The following CPNE5 variants were observed in gnomAD, a reference collection of about 807,000 sequenced individuals.
CPNE5 encodes copine-5.
Under a neutral mutation model 81.1 loss-of-function variants are expected in CPNE5, and 42 were observed. The observed-to-expected ratio is 0.52, with a 90% CI of 0.40 to 0.67. The LOEUF (loss-of-function observed/expected upper bound fraction) is 0.67. Among genes scored for constraint, CPNE5 ranks in the 30% least tolerant of loss-of-function variants. The probability of loss-of-function intolerance (pLI) is 0.00; values close to 1 mark genes in which losing one functional copy is unlikely to be tolerated. For missense variants in CPNE5, 612 were observed against 815.5 expected (o/e 0.75, Z 3.04); for synonymous variants, 313 against 321.5 (o/e 0.97, Z 0.28).
intron 1 of CPNE5, among the ~76,000 whole-genome samples, chr6:36,826,572 C>A (rs990480885): frequency 2.0e-5 from 3 of 152,178 alleles, no homozygotes; most frequent in Non-Finnish European, 2.9e-5. Context: ...CGATCGGTTG[C>A]AAAATCATGG....
chr6:36,813,096 A>C (rs1771240835), intron 3 of CPNE5, among the ~76,000 whole-genome samples: 1 of 152,226 alleles, frequency 6.6e-6, no homozygotes, highest in Non-Finnish European at 1.5e-5. Flanking sequence ...GTTCATGCCC[A>C]CCACAGTCTT....
intron 13 of CPNE5, 112 bp from the exon 14 acceptor site, chr6:36,753,207 AT>A: frequency 1.5e-5 from 12 of 801,130 alleles, no homozygotes; most frequent in Non-Finnish European, 2.6e-5. Context: ...TTTTGCATGC[AT>A]GACTGCATGC....
At position 36,756,037 on chromosome 6, in the gene CPNE5, CA is replaced by C. The variant is rs1765417236; in HGVS notation, c.909+207del. On this transcript the variant is annotated intron_variant, in intron 13 of 20. Coordinates refer to ENST00000244751, the MANE Select transcript of CPNE5 (RefSeq NM_020939.2). ...TGCGATTCCTCATGCTAGATACAGCCAGCGCCTGTTGTGTGGTCTGCAAGTC... is the reference window on the plus strand; with the variant it reads ...TGCGATTCCTCATGCTAGATACAGCCGCGCCTGTTGTGTGGTCTGCAAGTC... 3 of 571,374 alleles carry C rather than the reference CA, an allele frequency of 5.3e-6. No homozygotes were observed. In the South Asian group the frequency reaches 6.4e-5, roughly 12 times the overall value. 35.4% of individuals were successfully genotyped at this position (571,374 alleles called of 1,614,324 possible).
chr6:36,742,152 C>G lies in CPNE5; in HGVS notation c.*116G>C. 1.3e-6 allele frequency: 1 copy of G among 758,476 alleles called. No homozygotes were observed. The highest frequency in any genetic ancestry group is 2.1e-6 in the Non-Finnish European group (1 of 485,024). The allele number at this position is 758,476 out of a possible 1,614,324, so 47.0% of individuals were successfully genotyped here. A position where few individuals can be genotyped will look rare whatever the true frequency, so the allele number is the denominator to read the frequency against. On this transcript the variant is annotated 3_prime_UTR_variant, in exon 21 of 21. Coordinates refer to ENST00000244751, the MANE Select transcript of CPNE5 (RefSeq NM_020939.2). ...AGAAGCCCCACCCCCTGGCAGCCTC[C>G]CAGGCACACAGATGTCCCAAAGGCC... is the stretch of plus-strand genomic sequence containing the variant.
chr6:36,827,593 A>T (rs1310887673), intron 1 of CPNE5: 3 of 985,270 alleles, frequency 3.0e-6, no homozygotes, highest in Non-Finnish European at 3.6e-6. Context: ...AAAGGCACAG[A>T]CCACAACACA....
intron 13 of CPNE5, 133 bp from the exon 14 acceptor site, chr6:36,753,228 A>C: frequency 1.5e-6 from 1 of 658,982 alleles, no homozygotes; most frequent in Non-Finnish European, 2.8e-6. Context: ...CACTGCCCAC[A>C]CCACCCCATG....
intron 8 of CPNE5, among the ~76,000 whole-genome samples, chr6:36,791,215 G>T (rs1330736857): frequency 6.6e-6 from 1 of 152,158 alleles, no homozygotes; most frequent in African/African-American, 2.4e-5. Flanking sequence ...GCTGAGCCCG[G>T]ATCTTAGAAT....
chr6:36,788,561 C>A (rs1039771252), intron 8 of CPNE5, among the ~76,000 whole-genome samples: 1 of 146,566 alleles, frequency 6.8e-6, no homozygotes, highest in East Asian at 2.2e-4. Context: ...CCCAGCCCCC[C>A]AGCCTTGCAG....
chr6:36,798,098 T>C, intron 6 of CPNE5, 67 bp downstream of exon 6: 6 of 1,296,486 alleles, frequency 4.6e-6, no homozygotes, highest in Non-Finnish European at 5.5e-6. Flanking sequence ...GTCCCCATCC[T>C]GAGCCAGCCC....
chr6:36,756,112 C>CCAAA, intron 13 of CPNE5, 133 bp downstream of exon 13: 2 of 523,830 alleles, frequency 3.8e-6, no homozygotes, highest in Non-Finnish European at 6.9e-6. Context: ...CTCCCCACCC[C>CCAAA]ATCTCTCTTG....
At chr6:36,749,661 T>TA (rs71540165) in intron 14 of CPNE5, among the ~76,000 whole-genome samples, 11,832 of 139,388 alleles carry the variant, frequency 0.085, 583 homozygotes, top group East Asian at 0.2. Flanking sequence ...ACCTCAAAAA[T>TA]AAAAAAAAAA....
At position 36,745,198 on chromosome 6, in the gene CPNE5, C is replaced by T; in HGVS notation, c.1329-48G>A. The T allele has an allele frequency of 3.3e-6, 5 of 1,516,612 alleles. No individual in the cohort carries two copies. In the East Asian group the frequency reaches 9.1e-5, roughly 27 times the overall value. The allele number at this position is 1,516,612 out of a possible 1,614,324, so 93.9% of individuals were successfully genotyped here. On this transcript the variant is annotated intron_variant, in intron 17 of 20. Transcript: ENST00000244751. Reference sequence around the variant, plus strand: ...CAGGTCTGTCTGCGGGACCTCTGGGCATGTTCCCCCCTAAACAAGGACCCT... The same window carrying T: ...CAGGTCTGTCTGCGGGACCTCTGGGTATGTTCCCCCCTAAACAAGGACCCT...
intron 12 of CPNE5, chr6:36,757,147 C>G (rs1288174831): frequency 5.3e-6 from 1 of 190,316 alleles, no homozygotes; most frequent in Non-Finnish European, 9.7e-6. Context: ...TGAGGCCCCC[C>G]ACGAGACTTC....
chr6:36,808,535 C>T (rs1770806644), intron 3 of CPNE5, among the ~76,000 whole-genome samples: 1 of 152,098 alleles, frequency 6.6e-6, no homozygotes, highest in African/African-American at 2.4e-5. Flanking sequence ...AACATTGGGG[C>T]CCAGGGCCAG....
intron 1 of CPNE5, among the ~76,000 whole-genome samples, chr6:36,831,638 C>CA (rs35409136): frequency 0.42 from 35,083 of 83,716 alleles, 8,137 homozygotes; most frequent in African/African-American, 0.46. Context: ...GACACCATCT[C>CA]AAAAAAAAAA....
chr6:36,763,086 A>C (rs3822968), intron 11 of CPNE5, 94 bp from the exon 12 acceptor site: 9 of 1,124,752 alleles, frequency 8.0e-6, no homozygotes, highest in Non-Finnish European at 1.2e-5. Flanking sequence ...TTGGCTCCCA[A>C]TTCTACCTGG....
At chr6:36,786,472 T>C (rs112803249) in intron 8 of CPNE5, among the ~76,000 whole-genome samples, 1,861 of 152,316 alleles carry the variant, frequency 0.012, 39 homozygotes, top group African/African-American at 0.042. Context: ...TGTGCATCTG[T>C]TGATTTGGTC....
At chr6:36,742,550 A>T in intron 20 of CPNE5, 64 bp from the exon 21 acceptor site, 1 of 1,565,214 alleles carries the variant, frequency 6.4e-7, no homozygotes. Flanking sequence ...CAAAATCTCC[A>T]GGCCTGGGGT....
chr6:36,824,072 T>C (rs989729003), intron 1 of CPNE5, among the ~76,000 whole-genome samples: 1 of 152,206 alleles, frequency 6.6e-6, no homozygotes, highest in African/African-American at 2.4e-5. Context: ...GACGGTAGTA[T>C]CAGTCTTGAA....
Sources: allele counts gnomAD v4.1 joint callset (sites outside exome capture counted in the v4.1 genomes callset), GRCh38; gene constraint gnomAD v4.1.1; transcripts MANE v1.5; gene names NCBI Gene and HGNC (gene_info 2026-07-23, HGNC 2026-07-21).